Variants in PARD3B observed in about 807,000 individuals in gnomAD.
PARD3B encodes the protein par-3 family cell polarity regulator beta, also known as partitioning defective 3 homolog B.
Under a neutral mutation model 130.2 loss-of-function variants are expected in PARD3B, and 103 were observed. The observed-to-expected ratio is 0.79, with a 90% confidence interval of 0.67 to 0.93. PARD3B has a LOEUF of 0.93. Ranked by LOEUF, PARD3B falls within the 40% of genes least tolerant of loss-of-function variation. PARD3B has a pLI of 0.00. For missense variants in PARD3B, 1,609 were observed against 1,499.2 expected, an observed-to-expected ratio of 1.07 and a Z score of -1.21; for synonymous variants, 583 against 553.2, an observed-to-expected ratio of 1.05 and a Z score of -0.76.
At chr2:204,665,379 G>A (rs1368512301) in intron 1 of PARD3B, among the ~76,000 whole-genome samples, 1 of 152,070 alleles carries the variant, frequency 6.6e-6, no homozygotes, top group Non-Finnish European at 1.5e-5. Flanking sequence ...TTCCTGGTGT[G>A]GCTCTTCTGT....
At chr2:204,941,439 A>G (rs1301277256) in intron 2 of PARD3B, among the ~76,000 whole-genome samples, 2 of 152,232 alleles carry the variant, frequency 1.3e-5, no homozygotes, top group Non-Finnish European at 2.9e-5. Context: ...CATAATTAAC[A>G]ACCTGGCTAT....
intron 4 of PARD3B, among the ~76,000 whole-genome samples, chr2:205,054,436 A>ATATTT (rs1411271901): frequency 2.5e-4 from 7 of 28,440 alleles, no homozygotes; most frequent in East Asian, 4.2e-3. Context: ...ATATATATAT[A>ATATTT]TTTTTTTTTT....
rs185403311 is a variant in PARD3B, at chr2:205,150,629, G to A, written c.1435-8093G>A. Reference sequence around the variant, plus strand: ...TTAGAGGGCACTAATTATGGCTTAAGCCTGGTACAGCATAAGAAAGATATA... The same window carrying A: ...TTAGAGGGCACTAATTATGGCTTAAACCTGGTACAGCATAAGAAAGATATA... On this transcript the variant is annotated intron_variant, in intron 10 of 22. Coordinates refer to ENST00000406610, the MANE Select transcript of PARD3B (RefSeq NM_001302769.2). Among the ~76,000 whole-genome samples the A allele has an allele frequency of 5.4e-4, 82 of 152,268 alleles. 1 individual carries two copies. The Middle Eastern group carries it at 0.014, about 25-fold the overall frequency.
chr2:205,476,145 G>A (rs1049460115), intron 20 of PARD3B, among the ~76,000 whole-genome samples: 1 of 152,080 alleles, frequency 6.6e-6, no homozygotes, highest in African/African-American at 2.4e-5. Context: ...TCCACAAGCT[G>A]GATTTATCCT....
rs1003518654 is a variant in PARD3B at position 205,461,930 on chromosome 2, T to C, written c.3044+21258T>C. On this transcript the variant is annotated intron_variant, in intron 20 of 22. Transcript: ENST00000406610. This position sits in a 1 kb window ranked among gnomAD's most constrained non-coding sequence, Gnocchi z 4.3. ...CTCAGGCAGGGCTTAAAGGAAGAAA[T>C]ACTAAAATCAAAAGTAGACTTTATG... Among the ~76,000 whole-genome samples the C allele has an allele frequency of 1.6e-4, 25 of 152,310 alleles. No individual in the cohort carries two copies. The highest frequency in any genetic ancestry group is 1.1e-3 in the Admixed American group (17 of 15,294).
chr2:204,830,951 C>G (rs2043796029), intron 2 of PARD3B, among the ~76,000 whole-genome samples: 1 of 151,944 alleles, frequency 6.6e-6, no homozygotes, highest in Non-Finnish European at 1.5e-5. Context: ...GAATTTAATC[C>G]CAACTATCAT....
intron 2 of PARD3B, among the ~76,000 whole-genome samples, chr2:204,866,646 A>G (rs994271528): frequency 2.4e-4 from 36 of 151,776 alleles, no homozygotes; most frequent in Admixed American, 1.3e-3. Flanking sequence ...TGAGTTGTGT[A>G]TGTGATTAAA....
At chr2:205,195,914 C>T (rs3929000) in intron 15 of PARD3B, among the ~76,000 whole-genome samples, 2,311 of 152,066 alleles carry the variant, frequency 0.015, 45 homozygotes, top group African/African-American at 0.038. Context: ...TCTTCAAAGG[C>T]TGATGGATCC....
intron 1 of PARD3B, among the ~76,000 whole-genome samples, chr2:204,585,516 T>A (rs989375592): frequency 1.3e-4 from 19 of 148,144 alleles, no homozygotes; most frequent in Admixed American, 3.3e-4. Context: ...TTTTTTTTTT[T>A]AATTTTTTGT....
At chr2:204,901,786 T>A (rs2046868078) in intron 2 of PARD3B, among the ~76,000 whole-genome samples, 1 of 151,702 alleles carries the variant, frequency 6.6e-6, no homozygotes, top group Non-Finnish European at 1.5e-5. Flanking sequence ...ATTATTCAGA[T>A]CCCAAGGGCT....
chr2:205,419,194 T>C (rs2046880240), intron 19 of PARD3B, among the ~76,000 whole-genome samples: 1 of 152,120 alleles, frequency 6.6e-6, no homozygotes, highest in Non-Finnish European at 1.5e-5. Context: ...GGGGTGGGTC[T>C]TTCCTGTGCT....
chr2:205,228,463 G>A (rs1271645245), intron 15 of PARD3B, among the ~76,000 whole-genome samples: 1 of 152,088 alleles, frequency 6.6e-6, no homozygotes, highest in Non-Finnish European at 1.5e-5. Flanking sequence ...CCACTGAGAA[G>A]TCTGCTGCAA....
intron 18 of PARD3B, among the ~76,000 whole-genome samples, chr2:205,361,195 C>T (rs189895198): frequency 1.3e-5 from 2 of 152,266 alleles, no homozygotes; most frequent in Admixed American, 1.3e-4. Context: ...GCCAAACAGA[C>T]TCAGGTACTT....
chr2:205,158,763 C>T lies in PARD3B; in HGVS notation c.1476C>T (p.Ser492=), dbSNP rs549890679. 40 of 1,614,106 alleles carry T rather than the reference C, an allele frequency of 2.5e-5. No homozygotes were observed. The Admixed American group carries it at 4.8e-4, about 19-fold the overall frequency. Residue 492 remains serine, a synonymous_variant, in exon 11 of 23, where the codon AGC becomes AGT. Coordinates refer to ENST00000406610, the MANE Select transcript of PARD3B (RefSeq NM_001302769.2). This position sits in a 1 kb window ranked among gnomAD's most constrained non-coding sequence, Gnocchi z 5.4. ...PDCCALSLET[S]EQLTFEIPLN... ...GCTGTGCACTCTCTCTGGAGACAAG[C>T]GAGCAGCTCACCTTTGAGATCCCCC... is the stretch of plus-strand genomic sequence containing the variant.
rs2041867609 is a variant in PARD3B at position 205,298,320 on chromosome 2, T to C, written c.2186-2210T>C. ...ACTATTGCTTCTATACACCCAAACC[T>C]CTGTGATGCCTTTTGTTTTCTTGTC... is the stretch of plus-strand genomic sequence containing the variant. On this transcript the variant is annotated intron_variant, in intron 16 of 22. Transcript: ENST00000406610. Among the ~76,000 whole-genome samples, 11 of 152,170 alleles carry C rather than the reference T, an allele frequency of 7.2e-5. 1 individual carries two copies. The highest frequency in any genetic ancestry group is 7.2e-4 in the Admixed American group (11 of 15,276).
Position 205,247,108 on chromosome 2 carries a change from C to A in PARD3B, c.2185+1286C>A, listed in dbSNP as rs371412031. The stretch of plus-strand genomic sequence containing the variant: ...AATACCTGAAGATGAAAAGCCTTTT[C>A]TTAGTACTGGGATAGGCTTCAAGGC... On this transcript the variant is annotated intron_variant, in intron 16 of 22. Coordinates refer to ENST00000406610, the MANE Select transcript of PARD3B (RefSeq NM_001302769.2). Among the ~76,000 whole-genome samples the A allele has an allele frequency of 4.6e-5, 7 of 152,294 alleles. No homozygotes were observed. In the South Asian group the frequency reaches 1.4e-3, roughly 32 times the overall value.
Position 205,147,730 on chromosome 2 carries a change from G to A in PARD3B, c.1435-10992G>A, listed in dbSNP as rs112605366. Among the ~76,000 whole-genome samples, 1,223 of 152,252 alleles carry A rather than the reference G, an allele frequency of 8.0e-3. 16 individuals are homozygous for A. The highest frequency in any genetic ancestry group is 0.032 in the East Asian group (165 of 5,174). On this transcript the variant is annotated intron_variant, in intron 10 of 22. Coordinates refer to ENST00000406610, the MANE Select transcript of PARD3B (RefSeq NM_001302769.2). The stretch of plus-strand genomic sequence containing the variant: ...AGATTTCAGGAAGTCACATAAGGAC[G>A]TATATTTAAGATAGTCACATTATTG...
chr2:204,597,274 C>T lies in PARD3B; in HGVS notation c.120+51155C>T, dbSNP rs1371787336. 2.0e-5 allele frequency among the ~76,000 whole-genome samples: 3 copies of T among 151,070 alleles called. No individual in the cohort carries two copies. In the East Asian group the frequency reaches 5.8e-4, roughly 29 times the overall value. On this transcript the variant is annotated intron_variant, in intron 1 of 22. Coordinates refer to ENST00000406610, the MANE Select transcript of PARD3B (RefSeq NM_001302769.2). Reference sequence around the variant, plus strand: ...CCGATGCGTGTTTTTTTTTTGGTAGCGATCTTAATGATGCCCATAGGATAA... The same window carrying T: ...CCGATGCGTGTTTTTTTTTTGGTAGTGATCTTAATGATGCCCATAGGATAA...
chr2:205,138,100 A>G (rs2032641568), intron 10 of PARD3B, among the ~76,000 whole-genome samples: 2 of 152,196 alleles, frequency 1.3e-5, no homozygotes, highest in Admixed American at 1.3e-4. Context: ...GATTCAAGTT[A>G]TCAGCCCAGG....
Sources: gnomAD v4.1 joint callset for allele counts (sites outside exome capture counted in the v4.1 genomes callset) on GRCh38, gnomAD v4.1.1 for gene constraint, Gnocchi (gnomAD v3.1) non-coding constraint, MANE v1.5 for transcripts, NCBI Gene and HGNC (gene_info 2026-07-23, HGNC 2026-07-21) for gene names.